NUDT2: variants seen among roughly 807,000 people sequenced by gnomAD.
The protein encoded by NUDT2 is nudix hydrolase 2, also known as bis(5'-nucleosyl)-tetraphosphatase [asymmetrical].
In NUDT2, 12 loss-of-function variants were observed where a neutral mutation model predicts 14.2. The observed-to-expected ratio is 0.84, with a 90% CI of 0.54 to 1.37. The LOEUF (loss-of-function observed/expected upper bound fraction) is 1.37, where lower values mean the gene tolerates loss of function less well. Ranked by LOEUF, NUDT2 falls within the 40% of genes most tolerant of loss-of-function variation. The pLI is 0.00. For missense variants in NUDT2, 167 were observed against 176.7 expected (o/e 0.95, Z 0.31); for synonymous variants, 67 against 67.4 (o/e 0.99, Z 0.03).
intron 4 of NUDT2, among the ~76,000 whole-genome samples, chr9:34,340,930 G>C (rs1231343786): frequency 6.6e-6 from 1 of 152,020 alleles, no homozygotes; most frequent in Non-Finnish European, 1.5e-5. Context: ...TGCCCACTTG[G>C]TCTCCCAAAG....
chr9:34,330,334 GGCGGAGCTTGCAGTGA>G (rs2131848877), intron 1 of NUDT2, among the ~76,000 whole-genome samples: 1 of 152,338 alleles, frequency 6.6e-6, no homozygotes, highest in South Asian at 2.1e-4. Flanking sequence ...GAACCCAGGA[GGCGGAGCTTGCAGTGA>G]GCGGAGGTCG....
At position 34,343,114 on chromosome 9, in the gene NUDT2, T is replaced by C; in HGVS notation, c.128-10T>C. The stretch of plus-strand genomic sequence containing the variant: ...TCCTCCTCCTTTTCTTCCTCTTTTC[T>C]CCTAACTAGGCCATGTGGAACCAGG... On this transcript the variant is annotated splice_polypyrimidine_tract_variant and intron_variant, in intron 4 of 4. Transcript: ENST00000379158. 6.3e-7 allele frequency: 1 copy of C among 1,591,992 alleles called. No homozygotes were observed. The highest frequency in any genetic ancestry group is 1.1e-5 in the South Asian group (1 of 88,496).
Position 34,343,458 on chromosome 9 carries a change from C to G in NUDT2, c.*18C>G, listed in dbSNP as rs769520425. ...AGGCCTGAGCTGACTGGAGCAGAGT[C>G]ATTTGCTTCAGCAGGATCCTTGTGG... On this transcript the variant is annotated 3_prime_UTR_variant, in exon 5 of 5. Coordinates refer to ENST00000379158, the MANE Select transcript of NUDT2 (RefSeq NM_001161.5). 1 of 1,542,346 alleles carries G rather than the reference C, an allele frequency of 6.5e-7. No individual in the cohort carries two copies. Among genetic ancestry groups the G allele is most frequent in the African/African-American group, 1.4e-5 (1 of 73,040 alleles).
chr9:34,339,273 A>C, intron 4 of NUDT2, 107 bp downstream of exon 4: 1 of 1,394,230 alleles, frequency 7.2e-7, no homozygotes, highest in African/African-American at 1.4e-5. Context: ...TGTAGCAAAA[A>C]GGGGTAGGGA....
At chr9:34,337,211 G>A (rs1838113854) in intron 2 of NUDT2, among the ~76,000 whole-genome samples, 1 of 151,978 alleles carries the variant, frequency 6.6e-6, no homozygotes. Context: ...TGTTAGTCAG[G>A]CTGGTCTTGA....
chr9:34,338,950 C>G, intron 3 of NUDT2, 74 bp from the exon 4 acceptor site: 2 of 1,306,056 alleles, frequency 1.5e-6, no homozygotes, highest in East Asian at 4.7e-5. Context: ...CTGTCCATCA[C>G]CAGATTGCTA....
chr9:34,331,584 G>A (rs186560300), intron 1 of NUDT2, among the ~76,000 whole-genome samples: 26 of 152,310 alleles, frequency 1.7e-4, no homozygotes, highest in Admixed American at 1.3e-3. Flanking sequence ...TGGAGGGAAT[G>A]TGAGCTGCAG....
intron 1 of NUDT2, among the ~76,000 whole-genome samples, chr9:34,332,369 C>T (rs776843296): frequency 3.3e-5 from 5 of 152,284 alleles, no homozygotes; most frequent in Admixed American, 3.3e-4. Flanking sequence ...TTCCATCTTA[C>T]GTTGCACAAA....
chr9:34,331,108 C>G (rs1837919329), intron 1 of NUDT2, among the ~76,000 whole-genome samples: 1 of 152,072 alleles, frequency 6.6e-6, no homozygotes, highest in South Asian at 2.1e-4. Flanking sequence ...AATAAGGAAA[C>G]AAATCCATTC....
At chr9:34,331,916 C>T (rs1837952269) in intron 1 of NUDT2, among the ~76,000 whole-genome samples, 1 of 152,228 alleles carries the variant, frequency 6.6e-6, no homozygotes, top group South Asian at 2.1e-4. Context: ...GTCCCTTAGA[C>T]AATGAAATAT....
At position 34,336,305 on chromosome 9, in the gene NUDT2, C is replaced by T. The variant is rs139286354; in HGVS notation, c.-188C>T. The T allele has an allele frequency of 6.6e-6, 1 of 152,258 alleles. No individual in the cohort carries two copies. Among genetic ancestry groups the T allele is most frequent in the East Asian group, 1.9e-4 (1 of 5,170 alleles). 9.4% of individuals were successfully genotyped at this position (152,258 alleles called of 1,614,324 possible). On this transcript the variant is annotated 5_prime_UTR_variant, in exon 2 of 5. Transcript: ENST00000379158. ...ATGAGATCTTTGTTCACCAGTTCTA[C>T]AGTGATGGGGTGCTTCCTTTTGGCT... is the stretch of plus-strand genomic sequence containing the variant.
Position 34,343,214 on chromosome 9 carries a change from T to C in NUDT2, c.218T>C (p.Ile73Thr), listed in dbSNP as rs764638613. ...AGIEAGQLTI[I>T]EGFKRELNYV... Reference sequence around the variant, plus strand: ...ATAGAAGCAGGCCAGCTGACCATTATTGAGGGGTTCAAAAGGGAACTCAAT... The same window carrying C: ...ATAGAAGCAGGCCAGCTGACCATTACTGAGGGGTTCAAAAGGGAACTCAAT... The change falls in exon 5 of 5, where the codon ATT becomes ACT. Residue 73 changes from isoleucine to threonine, a missense_variant. Physicochemically the swap from Ile to Thr is moderately conservative, Grantham distance 89. Coordinates refer to ENST00000379158, the MANE Select transcript of NUDT2 (RefSeq NM_001161.5). 4 of 1,613,988 alleles carry C rather than the reference T, an allele frequency of 2.5e-6. No homozygotes were observed. The highest frequency in any genetic ancestry group is 2.5e-6 in the Non-Finnish European group (3 of 1,179,988).
At chr9:34,330,313 G>T (rs933624649) in intron 1 of NUDT2, among the ~76,000 whole-genome samples, 1 of 152,204 alleles carries the variant, frequency 6.6e-6, no homozygotes, top group African/African-American at 2.4e-5. Context: ...GCTGAGGCAG[G>T]AGAATGGCAT....
intron 1 of NUDT2, among the ~76,000 whole-genome samples, chr9:34,332,730 G>A (rs991700285): frequency 2.0e-5 from 3 of 152,136 alleles, no homozygotes; most frequent in Non-Finnish European, 2.9e-5. Context: ...CAGCAGCTTC[G>A]TCTCTGCAAG....
intron 1 of NUDT2, among the ~76,000 whole-genome samples, chr9:34,334,986 A>G (rs1162830433): frequency 6.6e-6 from 1 of 152,192 alleles, no homozygotes. Context: ...TACCAGGCAT[A>G]GTGGCAGTAC....
rs1378719255 is a variant in NUDT2 at position 34,339,160 on chromosome 9, C to T, written c.121C>T (p.Pro41Ser). ...ASDGIHHWTP[P>S]KGHVEPGEDD... ...AGATGGCATTCATCACTGGACTCCT[C>T]CCAAAGGTAGAGGCCAGAGGGGCCA... Residue 41 changes from proline (P) to serine (S), a missense_variant, in exon 4 of 5, where the codon CCC becomes TCC. By Grantham distance (74) the Pro-to-Ser change is moderately conservative (BLOSUM62 -1). Transcript: ENST00000379158. The T allele has an allele frequency of 6.2e-7, 1 of 1,613,342 alleles. No individual in the cohort carries two copies. The highest frequency in any genetic ancestry group is 8.5e-7 in the Non-Finnish European group (1 of 1,179,348).
chr9:34,329,999 T>C (rs765135854), intron 1 of NUDT2, among the ~76,000 whole-genome samples: 1 of 152,268 alleles, frequency 6.6e-6, no homozygotes, highest in Non-Finnish European at 1.5e-5. Context: ...ATTTTATGTT[T>C]TCTAATTGCT....
chr9:34,340,797 TCAGA>T (rs1820165601), intron 4 of NUDT2, among the ~76,000 whole-genome samples: 2 of 152,214 alleles, frequency 1.3e-5, no homozygotes, highest in Non-Finnish European at 2.9e-5. Context: ...GGAATAGCCC[TCAGA>T]CAGAAGGAAG....
intron 4 of NUDT2, among the ~76,000 whole-genome samples, chr9:34,341,773 G>T (rs1255942654): frequency 6.6e-6 from 1 of 152,228 alleles, no homozygotes; most frequent in Non-Finnish European, 1.5e-5. Context: ...GCCTCCCAGA[G>T]TGTTGGGATT....
Sources: gnomAD v4.1 joint callset for allele counts (sites outside exome capture counted in the v4.1 genomes callset) on GRCh38, gnomAD v4.1.1 for gene constraint, MANE v1.5 for transcripts, NCBI Gene and HGNC (gene_info 2026-07-23, HGNC 2026-07-21) for gene names.